Variants in RNF38 observed in about 807,000 individuals in gnomAD.
The protein encoded by RNF38 is E3 ubiquitin-protein ligase RNF38.
RNF38 carries 15 observed loss-of-function variants against 67.2 expected under a neutral mutation model. The ratio of observed to expected loss-of-function variants is 0.22; its 90% CI spans 0.15 to 0.34. The LOEUF is 0.34. Among genes scored for constraint, RNF38 ranks in the 10% least tolerant of loss-of-function variants. The pLI, the probability that RNF38 is intolerant of heterozygous loss-of-function variation, is 1.00. For missense variants in RNF38, 524 were observed against 639.9 expected (o/e 0.82, Z 1.95); for synonymous variants, 220 against 218.8 (o/e 1.01, Z -0.05).
At chr9:36,378,102 A>G (rs1252090856) in intron 2 of RNF38, among the ~76,000 whole-genome samples, 2 of 152,022 alleles carry the variant, frequency 1.3e-5, no homozygotes, top group Non-Finnish European at 2.9e-5. Flanking sequence ...AAACTTGCAC[A>G]TGAACTACAT....
chr9:36,345,724 TAA>T (rs1239819395), intron 9 of RNF38, among the ~76,000 whole-genome samples: 1 of 152,226 alleles, frequency 6.6e-6, no homozygotes, highest in African/African-American at 2.4e-5. Context: ...TTCAAAACTT[TAA>T]AAAGTAGTTT....
intron 2 of RNF38, among the ~76,000 whole-genome samples, chr9:36,411,725 C>A (rs1339385240): frequency 6.6e-6 from 1 of 151,722 alleles, no homozygotes; most frequent in Non-Finnish European, 1.5e-5. Context: ...CCACACTGGA[C>A]TAACTTTTGT....
chr9:36,403,651 C>G (rs77649221), upstream of RNF38, among the ~76,000 whole-genome samples: 2,515 of 152,278 alleles, frequency 0.017, 29 homozygotes, highest in Middle Eastern at 0.044. Context: ...GCTTACTGAA[C>G]AGGAAAATGC....
At chr9:36,341,750 C>A (rs867113751) in intron 11 of RNF38, among the ~76,000 whole-genome samples, 2 of 119,080 alleles carry the variant, frequency 1.7e-5, no homozygotes, top group Non-Finnish European at 3.7e-5. Flanking sequence ...ATGACTGTAC[C>A]GCTGCACTCC....
At position 36,386,895 on chromosome 9, in the gene RNF38, C is replaced by T. The variant is rs574624439; in HGVS notation, c.162+3572G>A. 1.2e-4 allele frequency among the ~76,000 whole-genome samples: 19 copies of T among 152,320 alleles called. No individual in the cohort carries two copies. The South Asian group carries it at 3.9e-3, about 32-fold the overall frequency. The stretch of plus-strand genomic sequence containing the variant: ...TCAGCTCACTGCAACCTCTGCCTCC[C>T]GGATTCAAGCGATTCTTGTGTCTCA... On this transcript the variant is annotated intron_variant, in intron 2 of 11. Transcript: ENST00000259605.
intron 11 of RNF38, among the ~76,000 whole-genome samples, chr9:36,340,155 T>C (rs1362031244): frequency 6.6e-6 from 1 of 152,074 alleles, no homozygotes; most frequent in African/African-American, 2.4e-5. Flanking sequence ...AATTTTTGTA[T>C]TTTAGTAGAG....
At position 36,344,832 on chromosome 9, in the gene RNF38, A is replaced by G; in HGVS notation, c.1385T>C (p.Leu462Ser). ...AGTGATGTCAGAAAAATTTACTTAC[A>G]AAGTCTGTTCTGACTGGTGGTTGTT... is the stretch of plus-strand genomic sequence containing the variant. ...NPNNHQSEQT[L>S]CVVCMCDFES... The change falls in exon 10 of 12, where the codon TTG becomes TCG. Residue 462 changes from leucine to serine, a missense_variant and splice_region_variant. Physicochemically the swap from Leu to Ser is moderately radical, Grantham distance 145. Transcript: ENST00000259605. 2.5e-6 allele frequency: 4 copies of G among 1,611,300 alleles called. No homozygotes were observed. The highest frequency in any genetic ancestry group is 3.4e-6 in the Non-Finnish European group (4 of 1,178,290).
At position 36,399,655 on chromosome 9, in the gene RNF38, G is replaced by C. The variant is rs10972883; in HGVS notation, c.12+442C>G. On this transcript the variant is annotated intron_variant, in intron 1 of 11. Transcript: ENST00000259605. ...TGTCCCAGCTTCCCACACCTGATCT[G>C]ACATCTATATGTATGTGGTTTCGTA... is the stretch of plus-strand genomic sequence containing the variant. Among the ~76,000 whole-genome samples, 119 of 151,922 alleles carry C rather than the reference G, an allele frequency of 7.8e-4. 2 individuals are homozygous for C. In the East Asian group the frequency reaches 0.021, roughly 26 times the overall value.
In RNF38 at chr9:36,338,421, TCAAAA is replaced by T. The variant is rs906468838; in HGVS notation, c.*1326_*1330del. 6.6e-6 allele frequency: 1 copy of T among 152,162 alleles called. No homozygotes were observed. Among genetic ancestry groups the T allele is most frequent in the Admixed American group, 6.6e-5 (1 of 15,266 alleles). 9.4% of individuals were successfully genotyped at this position (152,162 alleles called of 1,614,324 possible). ...AATTAAAAGGAAAGGCAGTAAAATA[TCAAAA>T]CAAATCAGGTCTAAGGAACATGAGC... is the stretch of plus-strand genomic sequence containing the variant. On this transcript the variant is annotated 3_prime_UTR_variant, in exon 12 of 12. Transcript: ENST00000259605.
intron 1 of RNF38, among the ~76,000 whole-genome samples, chr9:36,438,795 C>T (rs754223599): frequency 3.3e-5 from 5 of 152,162 alleles, no homozygotes; most frequent in East Asian, 1.9e-4. Context: ...TTCCCCTGCT[C>T]GGGAAGAGAT....
At chr9:36,482,010 A>G (rs1028962083) in intron 1 of RNF38, among the ~76,000 whole-genome samples, 1 of 151,150 alleles carries the variant, frequency 6.6e-6, no homozygotes, top group Non-Finnish European at 1.5e-5. Flanking sequence ...GCACATAGGT[A>G]CTATACTTTC....
upstream of RNF38, chr9:36,401,314 C>A: frequency 1.4e-6 from 1 of 720,052 alleles, no homozygotes; most frequent in Non-Finnish European, 1.7e-6. Flanking sequence ...GCCCGCCCCC[C>A]GCTGCCCTGC....
upstream of RNF38, chr9:36,400,402 G>A: frequency 1.7e-6 from 2 of 1,143,288 alleles, no homozygotes; most frequent in Non-Finnish European, 2.2e-6. Context: ...TCCGCGAGCT[G>A]AGACCGCGCC....
In RNF38 at chr9:36,472,438, C is replaced by T. The variant is rs1308553765; in HGVS notation, n.241+14870G>A. ...CCCAACACAAATTCATAAATTTCTT[C>T]AAGTGTATTTCATGTGTGGTCCAAG... On this transcript the variant is annotated intron_variant and non_coding_transcript_variant, in intron 1 of 3. Coordinates refer to the RNF38 transcript ENST00000488058. 2.0e-5 allele frequency among the ~76,000 whole-genome samples: 3 copies of T among 152,174 alleles called. No homozygotes were observed. In the East Asian group the frequency reaches 5.8e-4, roughly 29 times the overall value.
intron 9 of RNF38, among the ~76,000 whole-genome samples, chr9:36,347,747 G>C (rs1015105094): frequency 6.6e-6 from 1 of 152,154 alleles, no homozygotes; most frequent in African/African-American, 2.4e-5. Context: ...AATTGTTCAA[G>C]TGAAAGGAAG....
rs1834113041 is a variant in RNF38, at chr9:36,356,438, T to C, written c.774A>G (p.Val258=). ...TAAGGGGTGGGAATGCAGCATATGG[T>C]ACTGGTAAGTGCTGAACTGAACATG... The part of the protein sequence containing the change: ...LQACSVQHLP[V]PYAAFPPLIS... Residue 258 remains valine, a synonymous_variant, in exon 6 of 12, where the codon GTA becomes GTG. Coordinates refer to ENST00000259605, the MANE Select transcript of RNF38 (RefSeq NM_022781.5). The C allele has an allele frequency of 2.5e-6, 4 of 1,613,120 alleles. No homozygotes were observed. The South Asian group carries it at 4.4e-5, about 18-fold the overall frequency.
At chr9:36,402,262 A>C (rs749832320), upstream of RNF38, among the ~76,000 whole-genome samples, 4 of 152,170 alleles carry the variant, frequency 2.6e-5, no homozygotes, top group Non-Finnish European at 5.9e-5. Context: ...CCATACTCGA[A>C]TTATGTAACC....
chr9:36,395,017 C>G (rs187212328), intron 1 of RNF38, among the ~76,000 whole-genome samples: 16 of 152,322 alleles, frequency 1.1e-4, no homozygotes, highest in African/African-American at 3.8e-4. Context: ...CAAAACTTAT[C>G]ATGTTTAATG....
At chr9:36,390,391 T>G in intron 2 of RNF38, 76 bp downstream of exon 2, 2 of 1,286,962 alleles carry the variant, frequency 1.6e-6, no homozygotes, top group Non-Finnish European at 2.1e-6. Context: ...TTGGGCATTT[T>G]GTTTCAAGCC....
Sources: gnomAD v4.1 joint callset for allele counts (sites outside exome capture counted in the v4.1 genomes callset) on GRCh38, gnomAD v4.1.1 for gene constraint, MANE v1.5 for transcripts, NCBI Gene and HGNC (gene_info 2026-07-23, HGNC 2026-07-21) for gene names.